The following PPARGC1A variants were observed in gnomAD, a reference collection of about 807,000 sequenced individuals.
PPARGC1A encodes the protein peroxisome proliferator-activated receptor gamma coactivator 1-alpha.
In PPARGC1A, 25 loss-of-function variants were observed where a neutral mutation model predicts 88.7. The ratio of observed to expected loss-of-function variants is 0.28; its 90% CI spans 0.21 to 0.39. The LOEUF (loss-of-function observed/expected upper bound fraction) is 0.39. Among genes scored for constraint, PPARGC1A ranks in the 10% least tolerant of loss-of-function variants. PPARGC1A has a pLI of 1.00. For synonymous variants in PPARGC1A, 363 were observed against 355.6 expected, an observed-to-expected ratio of 1.02 and a Z score of -0.24; for missense variants, 880 against 968.7, an observed-to-expected ratio of 0.91 and a Z score of 1.22.
the PPARGC1A span, among the ~76,000 whole-genome samples, chr4:23,966,092 G>A: frequency 5.9e-5 from 9 of 152,194 alleles, no homozygotes; most frequent in South Asian, 2.1e-4. Flanking sequence ...TGTATTGCTC[G>A]CACACAATTT....
chr4:23,998,403 A>G, the PPARGC1A span, among the ~76,000 whole-genome samples: 2 of 152,150 alleles, frequency 1.3e-5, no homozygotes, highest in Non-Finnish European at 2.9e-5. Flanking sequence ...CTAGAAAAGT[A>G]TGTATCATAT....
chr4:24,368,636 T>TA, the PPARGC1A span, among the ~76,000 whole-genome samples: 1 of 152,174 alleles, frequency 6.6e-6, no homozygotes, highest in African/African-American at 2.4e-5. Context: ...ATTTGTACCA[T>TA]ATAATTTATA....
the PPARGC1A span, among the ~76,000 whole-genome samples, chr4:24,281,563 T>C: frequency 1.3e-5 from 2 of 152,168 alleles, no homozygotes; most frequent in Non-Finnish European, 2.9e-5. Context: ...CACCTCCCAT[T>C]AGGTCCCACC....
At chr4:24,356,068 G>A in the PPARGC1A span, among the ~76,000 whole-genome samples, 17 of 151,942 alleles carry the variant, frequency 1.1e-4, no homozygotes, top group Non-Finnish European at 1.6e-4. Context: ...GTGGTGGCGC[G>A]TGCCTGTAAT....
the PPARGC1A span, among the ~76,000 whole-genome samples, chr4:24,231,090 C>A: frequency 1.3e-5 from 2 of 151,898 alleles, no homozygotes; most frequent in African/African-American, 4.8e-5. Flanking sequence ...TGATCCAAAC[C>A]AAATGACAGG....
chr4:24,367,017 T>C, the PPARGC1A span, among the ~76,000 whole-genome samples: 1 of 152,214 alleles, frequency 6.6e-6, no homozygotes, highest in African/African-American at 2.4e-5. Context: ...GTTTTTAAAC[T>C]CCTGCTCTTT....
the PPARGC1A span, among the ~76,000 whole-genome samples, chr4:24,095,014 T>C: frequency 6.6e-6 from 1 of 152,188 alleles, no homozygotes; most frequent in Non-Finnish European, 1.5e-5. Context: ...TGGGAGATTC[T>C]TTTTTTAAAG....
chr4:23,851,789 GCT>G (rs371906697), intron 2 of PPARGC1A, among the ~76,000 whole-genome samples: 7 of 152,224 alleles, frequency 4.6e-5, no homozygotes, highest in African/African-American at 1.4e-4. Flanking sequence ...CTGAGATTTT[GCT>G]CTCTCTTCAA....
chr4:24,044,926 C>G, the PPARGC1A span, among the ~76,000 whole-genome samples: 2 of 152,174 alleles, frequency 1.3e-5, no homozygotes, highest in Non-Finnish European at 2.9e-5. Context: ...GGGCGGTGCT[C>G]AGAGAGAAAG....
At chr4:23,844,493 T>TAC (rs1727700163) in intron 2 of PPARGC1A, among the ~76,000 whole-genome samples, 2 of 57,090 alleles carry the variant, frequency 3.5e-5, no homozygotes, top group African/African-American at 1.2e-4. Context: ...ATAATAATCA[T>TAC]AATATATAAT....
At chr4:24,334,857 C>G in the PPARGC1A span, among the ~76,000 whole-genome samples, 50 of 152,160 alleles carry the variant, frequency 3.3e-4, no homozygotes, top group African/African-American at 1.2e-3. Context: ...ATAAGGTTCT[C>G]TGATTTGGCT....
At chr4:24,161,326 A>G in the PPARGC1A span, among the ~76,000 whole-genome samples, 3 of 152,214 alleles carry the variant, frequency 2.0e-5, no homozygotes, top group African/African-American at 7.2e-5. Flanking sequence ...CCCTACCTAG[A>G]AAGTTCAACT....
the PPARGC1A span, among the ~76,000 whole-genome samples, chr4:24,021,342 G>A: frequency 6.6e-6 from 1 of 152,178 alleles, no homozygotes; most frequent in African/African-American, 2.4e-5. Flanking sequence ...CCACGGCTAA[G>A]AAGCACACAG....
At chr4:24,242,162 A>C in the PPARGC1A span, among the ~76,000 whole-genome samples, 3 of 151,942 alleles carry the variant, frequency 2.0e-5, no homozygotes, top group East Asian at 5.8e-4. Flanking sequence ...TCCAGTTTCC[A>C]CCTCCACACC....
the PPARGC1A span, among the ~76,000 whole-genome samples, chr4:23,912,046 C>A: frequency 7.9e-5 from 12 of 152,100 alleles, no homozygotes; most frequent in African/African-American, 2.9e-4. Flanking sequence ...TAGGATAAGT[C>A]TGTAAAGATA....
chr4:23,889,044 C>A (rs574086251), intron 1 of PPARGC1A: 25 of 985,276 alleles, frequency 2.5e-5, no homozygotes, highest in Non-Finnish European at 2.8e-5. Context: ...TCCGTCCCCC[C>A]ACTAGACTCC....
chr4:24,111,413 A>G, the PPARGC1A span, among the ~76,000 whole-genome samples: 2 of 152,168 alleles, frequency 1.3e-5, no homozygotes, highest in Non-Finnish European at 2.9e-5. Flanking sequence ...TTTGACACAC[A>G]TTAATTCATA....
intron 7 of PPARGC1A, among the ~76,000 whole-genome samples, chr4:23,822,853 T>C (rs1458821452): frequency 6.6e-6 from 1 of 152,098 alleles, no homozygotes; most frequent in African/African-American, 2.4e-5. Flanking sequence ...ATAAATGCAA[T>C]TGGGCTTTAC....
chr4:23,866,050 A>C (rs866676526), intron 2 of PPARGC1A: 1 of 152,248 alleles, frequency 6.6e-6, no homozygotes, highest in African/African-American at 2.4e-5. Flanking sequence ...AGAGACAGAC[A>C]GACAAGAATT....
Sources: gnomAD v4.1 joint callset for allele counts (sites outside exome capture counted in the v4.1 genomes callset) on GRCh38, gnomAD v4.1.1 for gene constraint, MANE v1.5 for transcripts, NCBI Gene and HGNC (gene_info 2026-07-23, HGNC 2026-07-21) for gene names.